Variants in FYB1 observed in about 807,000 individuals in gnomAD.
The protein encoded by FYB1 is FYN binding protein 1.
Under a neutral mutation model 94.1 loss-of-function variants are expected in FYB1, and 41 were observed. The observed-to-expected ratio is 0.44, with a 90% CI of 0.34 to 0.57. The LOEUF is 0.57. FYB1 is among the 20% of genes least tolerant of loss of function. The probability of loss-of-function intolerance (pLI) is 0.02; values close to 1 mark genes in which losing one functional copy is unlikely to be tolerated. For missense variants in FYB1, 1,050 were observed against 976.8 expected (o/e 1.07, Z -1.00); for synonymous variants, 367 against 353.2 (o/e 1.04, Z -0.44).
chr5:39,137,271 A>G (rs1295348482), intron 7 of FYB1: 2 of 229,636 alleles, frequency 8.7e-6, no homozygotes, highest in Non-Finnish European at 1.7e-5. Context: ...GTGTGATGCT[A>G]ATTCATAGTA....
intron 1 of FYB1, among the ~76,000 whole-genome samples, chr5:39,255,598 T>C (rs1412622156): frequency 1.3e-5 from 2 of 152,178 alleles, no homozygotes; most frequent in African/African-American, 4.8e-5. Context: ...CACACCTAGA[T>C]ACTGCTTCCA....
At chr5:39,150,230 G>C (rs780972300) in intron 3 of FYB1, among the ~76,000 whole-genome samples, 5 of 152,102 alleles carry the variant, frequency 3.3e-5, no homozygotes, top group African/African-American at 4.8e-5. Flanking sequence ...GAATGGCCTA[G>C]CTGCCTGAAG....
intron 2 of FYB1, among the ~76,000 whole-genome samples, chr5:39,177,774 G>T (rs1258140043): frequency 6.6e-6 from 1 of 152,014 alleles, no homozygotes; most frequent in African/African-American, 2.4e-5. Flanking sequence ...TGTATGCTTT[G>T]TGAGATAAGG....
rs577030318 is a variant in FYB1 at position 39,215,814 on chromosome 5, G to A, written c.-28+3629C>T. Among the ~76,000 whole-genome samples, 62 of 152,236 alleles carry A rather than the reference G, an allele frequency of 4.1e-4. 1 individual carries two copies. The South Asian group carries it at 5.0e-3, about 12-fold the overall frequency. On this transcript the variant is annotated intron_variant, in intron 1 of 18. Coordinates refer to ENST00000512982, the MANE Select transcript of FYB1 (RefSeq NM_001465.6). ...GCCCATGTATATGCCAAAAAGATAC[G>A]CCCATGTATCAGAACCTGTGAATGT...
intron 9 of FYB1, among the ~76,000 whole-genome samples, chr5:39,132,704 G>A (rs1741306747): frequency 6.6e-6 from 1 of 152,042 alleles, no homozygotes; most frequent in African/African-American, 2.4e-5. Context: ...TTCTGGATTT[G>A]TTATTTTTTT....
At chr5:39,181,870 A>AT (rs1208926761) in intron 2 of FYB1, among the ~76,000 whole-genome samples, 4 of 151,886 alleles carry the variant, frequency 2.6e-5, no homozygotes, top group East Asian at 1.9e-4. Flanking sequence ...TCCTTTTTTA[A>AT]TTTTTTTTAA....
chr5:39,238,216 G>A (rs1751054517), intron 1 of FYB1, among the ~76,000 whole-genome samples: 1 of 151,986 alleles, frequency 6.6e-6, no homozygotes, highest in South Asian at 2.1e-4. Flanking sequence ...ATGTATATGT[G>A]TGTATATATA....
At chr5:39,209,625 G>A (rs958688121) in intron 1 of FYB1, among the ~76,000 whole-genome samples, 2 of 152,180 alleles carry the variant, frequency 1.3e-5, no homozygotes, top group East Asian at 1.9e-4. Context: ...CACCGCACCC[G>A]GCCTATTTAG....
chr5:39,158,414 A>C (rs760615573), intron 2 of FYB1, among the ~76,000 whole-genome samples: 5 of 152,200 alleles, frequency 3.3e-5, no homozygotes, highest in Non-Finnish European at 7.4e-5. Context: ...GCTACCCAAA[A>C]TGGTGAGATT....
chr5:39,247,857 CT>C (rs961681285), intron 1 of FYB1, among the ~76,000 whole-genome samples: 24 of 150,588 alleles, frequency 1.6e-4, no homozygotes, highest in African/African-American at 5.8e-4. Flanking sequence ...TTGGCAATAA[CT>C]TTTTTTCTTG....
intron 1 of FYB1, among the ~76,000 whole-genome samples, chr5:39,224,892 A>G (rs1454665521): frequency 6.6e-6 from 1 of 152,150 alleles, no homozygotes; most frequent in Non-Finnish European, 1.5e-5. Flanking sequence ...CTTGGTTAAC[A>G]TCAGAGATTT....
chr5:39,269,909 T>C (rs1752600908), intron 1 of FYB1: 1 of 152,186 alleles, frequency 6.6e-6, no homozygotes, highest in Non-Finnish European at 1.5e-5. Flanking sequence ...AGCCCTCCTT[T>C]TTTTTTCCCA....
chr5:39,222,082 G>T (rs897751587), upstream of FYB1, among the ~76,000 whole-genome samples: 2 of 151,758 alleles, frequency 1.3e-5, no homozygotes, highest in African/African-American at 4.9e-5. Flanking sequence ...CAAGCAACAC[G>T]CCCTGTCTTC....
Position 39,107,269 on chromosome 5 carries a change from GATT to G in FYB1, c.*171_*173del. On this transcript the variant is annotated 3_prime_UTR_variant, in exon 19 of 19. Coordinates refer to ENST00000512982, the MANE Select transcript of FYB1 (RefSeq NM_001465.6). ...TTCTGAGTTAACAATTAAGCAGAGA[GATT>G]ATTTTCTATGTTCAAACTTTAAACA... is the stretch of plus-strand genomic sequence containing the variant. 1 of 421,510 alleles carries G rather than the reference GATT, an allele frequency of 2.4e-6. No homozygotes were observed. The highest frequency in any genetic ancestry group is 6.5e-5 in the South Asian group (1 of 15,410). The allele number at this position is 421,510 out of a possible 1,614,324, so 26.1% of individuals were successfully genotyped here.
At chr5:39,135,507 C>T (rs1048692091) in intron 7 of FYB1, among the ~76,000 whole-genome samples, 3 of 152,146 alleles carry the variant, frequency 2.0e-5, no homozygotes, top group Admixed American at 6.5e-5. Flanking sequence ...AAATGTTACA[C>T]GAGGTTTTTC....
At chr5:39,147,744 C>T (rs1313012582) in intron 3 of FYB1, among the ~76,000 whole-genome samples, 2 of 140,500 alleles carry the variant, frequency 1.4e-5, no homozygotes, top group Non-Finnish European at 3.0e-5. Context: ...CTTGCTCTGT[C>T]GCCCAGGCTC....
At chr5:39,179,042 C>A (rs1745985438) in intron 2 of FYB1, among the ~76,000 whole-genome samples, 1 of 152,138 alleles carries the variant, frequency 6.6e-6, no homozygotes, top group Admixed American at 6.5e-5. Flanking sequence ...TAACAAGAGT[C>A]CTTTTAAGTC....
intron 2 of FYB1, among the ~76,000 whole-genome samples, chr5:39,160,221 T>C (rs919396): frequency 0.98 from 149,079 of 152,290 alleles, 73,031 homozygotes; most frequent in Non-Finnish European, 1. Flanking sequence ...GTCACATACA[T>C]GCACTCTGCA....
At chr5:39,182,122 A>G (rs1244910658) in intron 2 of FYB1, among the ~76,000 whole-genome samples, 2 of 152,078 alleles carry the variant, frequency 1.3e-5, no homozygotes, top group African/African-American at 2.4e-5. Flanking sequence ...ATGACATATA[A>G]GGTTCGGTTC....
Sources: gnomAD v4.1 joint callset for allele counts (sites outside exome capture counted in the v4.1 genomes callset) on GRCh38, gnomAD v4.1.1 for gene constraint, MANE v1.5 for transcripts, NCBI Gene and HGNC (gene_info 2026-07-23, HGNC 2026-07-21) for gene names.